The following C9orf43 variants were observed in gnomAD, a reference collection of about 807,000 sequenced individuals.
C9orf43 encodes chromosome 9 open reading frame 43.
Under a neutral mutation model 59.1 loss-of-function variants are expected in C9orf43, and 45 were observed. The ratio of observed to expected loss-of-function variants is 0.76; its 90% CI spans 0.60 to 0.98. C9orf43 has a LOEUF of 0.98. Among genes scored for constraint, C9orf43 ranks in the 50% least tolerant of loss-of-function variants. The pLI is 0.00. For missense variants in C9orf43, 533 were observed against 554.9 expected, an observed-to-expected ratio of 0.96 and a Z score of 0.40; for synonymous variants, 203 against 196.8, an observed-to-expected ratio of 1.03 and a Z score of -0.26.
intron 3 of C9orf43, among the ~76,000 whole-genome samples, chr9:113,416,434 C>T (rs1476123562): frequency 6.6e-6 from 1 of 152,222 alleles, no homozygotes; most frequent in Non-Finnish European, 1.5e-5. Flanking sequence ...TTGTGCTTTT[C>T]TGTCATGCAG....
chr9:113,424,416 C>T (rs973365549), intron 8 of C9orf43, 100 bp downstream of exon 8: 1 of 1,321,802 alleles, frequency 7.6e-7, no homozygotes, highest in East Asian at 2.3e-5. Flanking sequence ...TATCTCCCTT[C>T]TGCCTTTCCA....
chr9:113,428,940 C>T lies in C9orf43; in HGVS notation c.1148C>T (p.Ala383Val), dbSNP rs775890908. 34 of 1,613,544 alleles carry T rather than the reference C, an allele frequency of 2.1e-5. No individual in the cohort carries two copies. Among genetic ancestry groups the T allele is most frequent in the South Asian group, 3.3e-5 (3 of 91,074 alleles). ...ERPKMNYYDH[A>V]DFHHSVKSPE... ...CCAAAGATGAACTACTATGACCATG[C>T]GGATTTCCACCACAGTGTAAAAAGT... The change falls in exon 13 of 14, where the codon GCG (alanine) becomes GTG (valine). Residue 383 changes from alanine (A) to valine (V), a missense_variant. Ala to Val is a moderately conservative substitution (Grantham distance 64). Coordinates refer to ENST00000374165, the MANE Select transcript of C9orf43 (RefSeq NM_001278629.2).
At chr9:113,416,526 G>A (rs888829314) in intron 3 of C9orf43, among the ~76,000 whole-genome samples, 1 of 151,950 alleles carries the variant, frequency 6.6e-6, no homozygotes, top group Non-Finnish European at 1.5e-5. Context: ...ACGAGATCTG[G>A]CCTTCCTACT....
chr9:113,418,919 T>C (rs1013938819), intron 3 of C9orf43, among the ~76,000 whole-genome samples, 189 bp from the exon 4 acceptor site: 1 of 152,212 alleles, frequency 6.6e-6, no homozygotes, highest in Non-Finnish European at 1.5e-5. Flanking sequence ...CAGTGTGCAA[T>C]GTCTGTTAAG....
At chr9:113,424,427 C>T (rs1217882102) in intron 8 of C9orf43, 111 bp downstream of exon 8, 4 of 1,197,024 alleles carry the variant, frequency 3.3e-6, no homozygotes, top group South Asian at 1.6e-5. Context: ...TGCCTTTCCA[C>T]TCTGAACCCA....
chr9:113,423,611 C>T (rs1018435057), intron 7 of C9orf43, 113 bp downstream of exon 7: 24 of 1,004,002 alleles, frequency 2.4e-5, no homozygotes, highest in Admixed American at 5.1e-5. Context: ...ACTATCACCC[C>T]GATTTGTTTA....
intron 11 of C9orf43, 119 bp from the exon 12 acceptor site, chr9:113,428,028 C>T: frequency 1.1e-6 from 1 of 922,394 alleles, no homozygotes; most frequent in Non-Finnish European, 1.8e-6. Flanking sequence ...TACCTGCCAT[C>T]AAGGTCTTGT....
rs145884262 is a variant in C9orf43 at position 113,410,954 on chromosome 9, T to C, written c.-97T>C. 1 of 986,414 alleles carries C rather than the reference T, an allele frequency of 1.0e-6. No homozygotes were observed. The highest frequency in any genetic ancestry group is 1.2e-6 in the Non-Finnish European group (1 of 830,520). The allele number at this position is 986,414 out of a possible 1,614,324, so 61.1% of individuals were successfully genotyped here. A position where few individuals can be genotyped will look rare whatever the true frequency, so the allele number is the denominator to read the frequency against. ...CAGTCTTTTTCCATCTCTACCGAAG[T>C]TGATGTTCATTTTTAATCTTTTCGC... On this transcript the variant is annotated 5_prime_UTR_variant, in exon 1 of 14. Transcript: ENST00000374165.
chr9:113,411,803 A>G (rs1042356409), intron 1 of C9orf43, among the ~76,000 whole-genome samples: 1 of 151,766 alleles, frequency 6.6e-6, no homozygotes, highest in African/African-American at 2.4e-5. Context: ...CTCAGCCCCA[A>G]ATAGCTGGGG....
At chr9:113,421,894 C>T (rs1259764851) in intron 5 of C9orf43, among the ~76,000 whole-genome samples, 1 of 152,042 alleles carries the variant, frequency 6.6e-6, no homozygotes, top group African/African-American at 2.4e-5. Flanking sequence ...GGTTTATTTC[C>T]TTTCGTGTGA....
intron 1 of C9orf43, among the ~76,000 whole-genome samples, chr9:113,411,434 G>T (rs938331507): frequency 6.6e-6 from 1 of 151,756 alleles, no homozygotes; most frequent in Non-Finnish European, 1.5e-5. Flanking sequence ...TAGTAGCTGG[G>T]ACTACAGACG....
intron 8 of C9orf43, among the ~76,000 whole-genome samples, 188 bp downstream of exon 8, chr9:113,424,504 T>C (rs1215126946): frequency 6.6e-6 from 1 of 151,478 alleles, no homozygotes; most frequent in Non-Finnish European, 1.5e-5. Context: ...GAGAGAGCAA[T>C]GTTCTCTATT....
At position 113,422,544 on chromosome 9, in the gene C9orf43, T is replaced by G; in HGVS notation, c.447-5T>G. ...TTTGTTTTGTTTTGTTTTGTTTTTC[T>G]CCAGCCAGCATGGGAAGAAGAAAAG... On this transcript the variant is annotated splice_region_variant and splice_polypyrimidine_tract_variant and intron_variant, in intron 5 of 13. Transcript: ENST00000374165. The G allele has an allele frequency of 1.2e-6, 2 of 1,613,882 alleles. No homozygotes were observed. Among genetic ancestry groups the G allele is most frequent in the Non-Finnish European group, 8.5e-7 (1 of 1,179,938 alleles).
At chr9:113,420,447 A>T (rs566507115) in intron 4 of C9orf43, among the ~76,000 whole-genome samples, 48 of 152,368 alleles carry the variant, frequency 3.2e-4, no homozygotes, top group Non-Finnish European at 6.3e-4. Context: ...AAATTCAAAA[A>T]GCATTAAAGG....
intron 8 of C9orf43, 134 bp downstream of exon 8, chr9:113,424,450 G>T: frequency 1.1e-6 from 1 of 908,438 alleles, no homozygotes; most frequent in Non-Finnish European, 1.7e-6. Flanking sequence ...CCCCAGAGAA[G>T]GCTGGGCTCT....
intron 1 of C9orf43, among the ~76,000 whole-genome samples, chr9:113,412,158 A>G (rs767024049): frequency 6.6e-6 from 1 of 152,132 alleles, no homozygotes; most frequent in East Asian, 1.9e-4. Context: ...TGGTGGGGGA[A>G]CTCCGCTTGG....
chr9:113,421,069 C>G (rs374680837), intron 4 of C9orf43, 34 bp from the exon 5 acceptor site: 2 of 1,515,908 alleles, frequency 1.3e-6, no homozygotes, highest in Admixed American at 1.7e-5. Flanking sequence ...CTTAGCACCT[C>G]AAGCCATACA....
intron 7 of C9orf43, among the ~76,000 whole-genome samples, chr9:113,423,732 T>G (rs1828677780): frequency 6.6e-6 from 1 of 152,250 alleles, no homozygotes; most frequent in Non-Finnish European, 1.5e-5. Context: ...TACTTTCATT[T>G]AAATTTGCAC....
chr9:113,411,302 CT>C (rs200343845), intron 1 of C9orf43, among the ~76,000 whole-genome samples: 260 of 141,916 alleles, frequency 1.8e-3, no homozygotes, highest in Admixed American at 2.0e-3. Context: ...AATGGCGTTT[CT>C]TTTTTTTTTT....
Sources: allele counts gnomAD v4.1 joint callset (sites outside exome capture counted in the v4.1 genomes callset), GRCh38; gene constraint gnomAD v4.1.1; transcripts MANE v1.5; gene names NCBI Gene and HGNC (gene_info 2026-07-23, HGNC 2026-07-21).